LRRC4C: variants seen among roughly 807,000 people sequenced by gnomAD.
LRRC4C encodes the protein leucine rich repeat containing 4C.
LRRC4C carries 5 observed loss-of-function variants against 33.6 expected under a neutral mutation model. That is an observed-to-expected ratio of 0.15 (90% CI 0.08 to 0.31). The LOEUF is 0.31. Among genes scored for constraint, LRRC4C ranks in the 10% least tolerant of loss-of-function variants. LRRC4C has a pLI of 1.00. For synonymous variants in LRRC4C, 329 were observed against 302.0 expected (o/e 1.09, Z -0.93); for missense variants, 560 against 796.7 (o/e 0.70, Z 3.58).
chr11:41,356,362 A>G (rs1037637359), intron 1 of LRRC4C, among the ~76,000 whole-genome samples: 2 of 152,144 alleles, frequency 1.3e-5, no homozygotes, highest in African/African-American at 4.8e-5. Flanking sequence ...GGGCAGTTAA[A>G]TTGCAAAAAG....
At chr11:40,906,906 T>C (rs563059923) in intron 2 of LRRC4C, among the ~76,000 whole-genome samples, 1 of 152,258 alleles carries the variant, frequency 6.6e-6, no homozygotes, top group South Asian at 2.1e-4. Context: ...CTGTCAAACA[T>C]GTTAATAGCT....
chr11:40,786,080 G>A (rs761618446), intron 2 of LRRC4C, among the ~76,000 whole-genome samples: 11 of 151,914 alleles, frequency 7.2e-5, no homozygotes, highest in Non-Finnish European at 1.5e-4. Flanking sequence ...AAACTCATAC[G>A]AACGATGAAA....
At chr11:40,256,843 A>C (rs763175353) in intron 4 of LRRC4C, among the ~76,000 whole-genome samples, 3 of 152,118 alleles carry the variant, frequency 2.0e-5, no homozygotes, top group Non-Finnish European at 4.4e-5. Flanking sequence ...GCAGAAATTC[A>C]TTTTCTTTAG....
intron 3 of LRRC4C, among the ~76,000 whole-genome samples, chr11:40,494,887 A>G (rs1246508163): frequency 2.0e-5 from 3 of 152,186 alleles, no homozygotes; most frequent in South Asian, 4.1e-4. Context: ...TTGAATCCCA[A>G]CTTAACTTGG....
chr11:41,278,311 GACTTTAAGTGAAACAA>G (rs2136906976), intron 1 of LRRC4C, among the ~76,000 whole-genome samples: 1 of 152,158 alleles, frequency 6.6e-6, no homozygotes, highest in Non-Finnish European at 1.5e-5. Context: ...TGGAAACTTT[GACTTTAAGTGAAACAA>G]ACTATAACCA....
intron 1 of LRRC4C, among the ~76,000 whole-genome samples, chr11:41,109,439 C>T (rs1941702106): frequency 6.6e-6 from 1 of 152,016 alleles, no homozygotes; most frequent in African/African-American, 2.4e-5. Flanking sequence ...ACAATAAAGG[C>T]TTTATTTAGA....
intron 2 of LRRC4C, among the ~76,000 whole-genome samples, chr11:40,824,693 A>G (rs1448437737): frequency 6.6e-6 from 1 of 151,882 alleles, no homozygotes; most frequent in East Asian, 1.9e-4. Flanking sequence ...CTGCAAGTCA[A>G]AGTGCTACAT....
chr11:40,391,276 A>G (rs1210750639), intron 3 of LRRC4C, among the ~76,000 whole-genome samples: 2 of 152,186 alleles, frequency 1.3e-5, no homozygotes, highest in Non-Finnish European at 2.9e-5. Flanking sequence ...GTTGTTGAGA[A>G]TGCATGAACA....
chr11:41,366,659 A>G (rs1300444726), intron 1 of LRRC4C, among the ~76,000 whole-genome samples: 1 of 152,138 alleles, frequency 6.6e-6, no homozygotes, highest in Non-Finnish European at 1.5e-5. Context: ...CTATTAGTAG[A>G]TAAGGTCTTT....
intron 1 of LRRC4C, among the ~76,000 whole-genome samples, chr11:40,939,471 T>C (rs1958048160): frequency 7.3e-6 from 1 of 137,556 alleles, no homozygotes; most frequent in Non-Finnish European, 1.6e-5. Flanking sequence ...AAAGGATGAA[T>C]AGCTTAAAAA....
intron 3 of LRRC4C, among the ~76,000 whole-genome samples, chr11:40,476,518 G>T (rs1953242038): frequency 1.3e-5 from 2 of 151,608 alleles, no homozygotes; most frequent in African/African-American, 4.8e-5. Context: ...GCTAATTTTT[G>T]TATTTTTACT....
rs373848468 is a variant in LRRC4C, at chr11:41,425,293, G to A, written c.-496+34138C>T. Among the ~76,000 whole-genome samples the A allele has an allele frequency of 1.4e-4, 22 of 152,152 alleles. 1 individual carries two copies. In the East Asian group the frequency reaches 1.9e-3, roughly 13 times the overall value. The stretch of plus-strand genomic sequence containing the variant: ...AAAGCAGGAGTTCCCAGAGAGGTGT[G>A]AAGGGCAGGGGAAGGGCCAAAATCA... On this transcript the variant is annotated intron_variant, in intron 1 of 6. Transcript: ENST00000528697.
intron 1 of LRRC4C, among the ~76,000 whole-genome samples, chr11:41,063,010 T>C (rs1314846255): frequency 2.0e-5 from 3 of 152,158 alleles, no homozygotes; most frequent in African/African-American, 7.2e-5. Flanking sequence ...ATATCTGTTG[T>C]TTTCAGCCAT....
intron 2 of LRRC4C, among the ~76,000 whole-genome samples, chr11:40,683,352 T>A (rs562464602): frequency 6.6e-6 from 1 of 152,194 alleles, no homozygotes; most frequent in Non-Finnish European, 1.5e-5. Context: ...TTAGAACGTA[T>A]GTTCAAGTAT....
At chr11:40,167,368 G>C (rs550839752) in intron 5 of LRRC4C, among the ~76,000 whole-genome samples, 2 of 152,268 alleles carry the variant, frequency 1.3e-5, no homozygotes, top group African/African-American at 4.8e-5. Context: ...GATGAAGATA[G>C]TAATTAATAG....
chr11:41,407,449 G>A (rs1454668458), intron 1 of LRRC4C, among the ~76,000 whole-genome samples: 4 of 151,822 alleles, frequency 2.6e-5, no homozygotes. Context: ...CTACAGGCAT[G>A]TGCCACCACA....
rs969203035 is a variant in LRRC4C at position 41,316,269 on chromosome 11, A to G, written c.-496+143162T>C. ...GTAAAAATCTCTGGATGGCAAAAAA[A>G]AAAAAAAAAACAAAAAAAAACAAAC... On this transcript the variant is annotated intron_variant, in intron 1 of 6. Coordinates refer to ENST00000528697, the MANE Select transcript of LRRC4C (RefSeq NM_001258419.2). 2.0e-5 allele frequency among the ~76,000 whole-genome samples: 3 copies of G among 150,022 alleles called. 1 individual carries two copies. The highest frequency in any genetic ancestry group is 7.3e-5 in the African/African-American group (3 of 41,026).
chr11:41,447,898 G>A (rs901781934), intron 1 of LRRC4C, among the ~76,000 whole-genome samples: 1 of 152,134 alleles, frequency 6.6e-6, no homozygotes, highest in African/African-American at 2.4e-5. Context: ...CACCTTTGTA[G>A]AGGTACATTT....
intron 1 of LRRC4C, among the ~76,000 whole-genome samples, chr11:40,970,846 T>A (rs1350675067): frequency 1.3e-5 from 2 of 152,106 alleles, no homozygotes; most frequent in African/African-American, 4.8e-5. Flanking sequence ...TAGCAAAGGG[T>A]TTAGCTGTTC....
Sources: gnomAD v4.1 joint callset for allele counts (sites outside exome capture counted in the v4.1 genomes callset) on GRCh38, gnomAD v4.1.1 for gene constraint, MANE v1.5 for transcripts, NCBI Gene and HGNC (gene_info 2026-07-23, HGNC 2026-07-21) for gene names.